The following TMEM87A variants were observed in gnomAD, a reference collection of about 807,000 sequenced individuals.
TMEM87A encodes the protein Golgi-pH regulating cation channel.
In TMEM87A, 50 loss-of-function variants were observed where a neutral mutation model predicts 90.0. The observed-to-expected ratio is 0.56, with a 90% confidence interval of 0.44 to 0.70. TMEM87A has a LOEUF of 0.70. Ranked by LOEUF, TMEM87A falls within the 30% of genes least tolerant of loss-of-function variation. TMEM87A has a pLI of 0.00. For missense variants in TMEM87A, 577 were observed against 660.5 expected, an observed-to-expected ratio of 0.87 and a Z score of 1.39; for synonymous variants, 226 against 226.7, an observed-to-expected ratio of 1.00 and a Z score of 0.03.
chr15:42,219,535 G>T, intron 17 of TMEM87A, 46 bp downstream of exon 17: 2 of 1,455,938 alleles, frequency 1.4e-6, no homozygotes, highest in Non-Finnish European at 1.9e-6. Flanking sequence ...ACTAAGGGTT[G>T]GAAGATGGGA....
At chr15:42,218,212 T>C (rs2050413774) in intron 18 of TMEM87A, 111 bp downstream of exon 18, 2 of 1,067,540 alleles carry the variant, frequency 1.9e-6, no homozygotes, top group South Asian at 3.1e-5. Context: ...ATTCTTTTAA[T>C]TATTTTTCAG....
At chr15:42,243,393 C>T (rs561917443) in intron 7 of TMEM87A, among the ~76,000 whole-genome samples, 8 of 151,472 alleles carry the variant, frequency 5.3e-5, no homozygotes, top group African/African-American at 1.9e-4. Context: ...GGAAATAAGA[C>T]CAGTTAGGAA....
chr15:42,249,306 T>C (rs940343061), intron 6 of TMEM87A, among the ~76,000 whole-genome samples: 1 of 152,228 alleles, frequency 6.6e-6, no homozygotes, highest in Non-Finnish European at 1.5e-5. Context: ...ATCTTAGTTA[T>C]TTCTTGTCTT....
intron 14 of TMEM87A, chr15:42,227,485 C>A: frequency 2.3e-6 from 1 of 428,376 alleles, no homozygotes. Flanking sequence ...AAATTCTCTC[C>A]CAAAACTGGG....
intron 13 of TMEM87A, 90 bp downstream of exon 13, chr15:42,228,622 C>A: frequency 9.3e-7 from 1 of 1,075,246 alleles, no homozygotes; most frequent in Non-Finnish European, 1.4e-6. Flanking sequence ...ATATACAAAA[C>A]TTTCTATGTC....
intron 6 of TMEM87A, among the ~76,000 whole-genome samples, chr15:42,250,307 T>C (rs897764360): frequency 1.3e-5 from 2 of 152,238 alleles, no homozygotes; most frequent in African/African-American, 4.8e-5. Flanking sequence ...GATCCTGTCA[T>C]TATGATACTA....
intron 4 of TMEM87A, among the ~76,000 whole-genome samples, chr15:42,262,598 G>A (rs1176036888): frequency 6.6e-6 from 1 of 151,862 alleles, no homozygotes; most frequent in African/African-American, 2.4e-5. Flanking sequence ...TAATTTTTTT[G>A]TAGAGACAGG....
intron 15 of TMEM87A, 56 bp from the exon 16 acceptor site, chr15:42,220,191 T>C (rs1341149314): frequency 3.2e-5 from 42 of 1,319,924 alleles, no homozygotes; most frequent in Non-Finnish European, 4.0e-5. Context: ...AAAACTGCTA[T>C]ACCAGTTGCA....
At chr15:42,228,859 C>A in intron 12 of TMEM87A, 39 bp from the exon 13 acceptor site, 1 of 1,447,710 alleles carries the variant, frequency 6.9e-7, no homozygotes, top group Non-Finnish European at 9.4e-7. Flanking sequence ...CAGGAAAAAA[C>A]AGTAAGCTAG....
intron 6 of TMEM87A, among the ~76,000 whole-genome samples, chr15:42,252,218 C>T (rs1173186689): frequency 1.3e-5 from 2 of 152,196 alleles, no homozygotes; most frequent in African/African-American, 2.4e-5. Flanking sequence ...GAGGTGATGT[C>T]CTGCCCTGCT....
intron 19 of TMEM87A, among the ~76,000 whole-genome samples, chr15:42,212,571 T>C (rs59893734): frequency 0.03 from 4,540 of 152,310 alleles, 303 homozygotes; most frequent in Admixed American, 0.15. Context: ...GACCCTTTAT[T>C]TCCTAGATCC....
rs187355167 is a variant in TMEM87A, at chr15:42,233,700, T to A, written c.969-394A>T. On this transcript the variant is annotated intron_variant, in intron 10 of 19. Transcript: ENST00000389834. ...ATGCAAATCCTAGACAGTATATCTT[T>A]GATATATTTCAGTATGTGTTTTTAA... Among the ~76,000 whole-genome samples the A allele has an allele frequency of 1.2e-4, 19 of 152,300 alleles. 1 individual carries two copies. The East Asian group carries it at 3.1e-3, about 25-fold the overall frequency.
At chr15:42,236,211 T>G in intron 10 of TMEM87A, 109 bp downstream of exon 10, 1 of 943,638 alleles carries the variant, frequency 1.1e-6, no homozygotes, top group Non-Finnish European at 1.7e-6. Context: ...TGTTTCAGAA[T>G]TATTTCTTTT....
At chr15:42,268,746 G>A (rs988924298) in intron 2 of TMEM87A, among the ~76,000 whole-genome samples, 2 of 152,144 alleles carry the variant, frequency 1.3e-5, no homozygotes, top group African/African-American at 2.4e-5. Flanking sequence ...AGGCTAAAGA[G>A]GGAAACGAGT....
At chr15:42,267,730 T>A (rs569533183) in intron 3 of TMEM87A, among the ~76,000 whole-genome samples, 243 of 152,324 alleles carry the variant, frequency 1.6e-3, no homozygotes, top group African/African-American at 5.7e-3. Flanking sequence ...ACCCACATGC[T>A]CAAAGGCTTT....
At chr15:42,272,192 A>G in intron 1 of TMEM87A, 69 bp from the exon 2 acceptor site, 2 of 1,146,186 alleles carry the variant, frequency 1.7e-6, no homozygotes, top group Non-Finnish European at 2.5e-6. Flanking sequence ...ATAACTATCT[A>G]AGACTGCTAG....
intron 2 of TMEM87A, among the ~76,000 whole-genome samples, chr15:42,269,481 G>A (rs2051469575): frequency 6.6e-6 from 1 of 151,792 alleles, no homozygotes. Context: ...AAAGCAATTG[G>A]GCTATGAACT....
At position 42,238,467 on chromosome 15, in the gene TMEM87A, G is replaced by A. The variant is rs563058036; in HGVS notation, c.685-852C>T. Among the ~76,000 whole-genome samples the A allele has an allele frequency of 2.3e-4, 35 of 152,284 alleles. 1 individual carries two copies. In the South Asian group the frequency reaches 7.0e-3, roughly 31 times the overall value. On this transcript the variant is annotated intron_variant, in intron 8 of 19. Coordinates refer to ENST00000389834, the MANE Select transcript of TMEM87A (RefSeq NM_015497.5). The stretch of plus-strand genomic sequence containing the variant: ...CACCTGTAGTCCCAGCTACTCAGGA[G>A]GCTGAGGCAGGAGAATCGCTTGAAC...
chr15:42,221,061 G>A (rs542832810), intron 15 of TMEM87A, among the ~76,000 whole-genome samples: 12 of 152,100 alleles, frequency 7.9e-5, no homozygotes, highest in African/African-American at 1.2e-4. Context: ...CAGGTGATCC[G>A]CCTGCCTCAG....
Sources: gnomAD v4.1 joint callset for allele counts (sites outside exome capture counted in the v4.1 genomes callset) on GRCh38, gnomAD v4.1.1 for gene constraint, MANE v1.5 for transcripts, NCBI Gene and HGNC (gene_info 2026-07-23, HGNC 2026-07-21) for gene names.